The following DNAJC12 variants were observed in gnomAD, a reference collection of about 807,000 sequenced individuals.
DNAJC12 encodes the protein dnaJ homolog subfamily C member 12.
In DNAJC12, 25 loss-of-function variants were observed where a neutral mutation model predicts 28.5. That is an observed-to-expected ratio of 0.88 (90% CI 0.64 to 1.22). The LOEUF (loss-of-function observed/expected upper bound fraction) is 1.22. DNAJC12 is among the 50% of genes most tolerant of loss of function. The pLI, the probability that DNAJC12 is intolerant of heterozygous loss-of-function variation, is 0.00. For synonymous variants in DNAJC12, 77 were observed against 80.6 expected (o/e 0.95, Z 0.24); for missense variants, 222 against 231.7 (o/e 0.96, Z 0.27).
intron 3 of DNAJC12, among the ~76,000 whole-genome samples, chr10:67,808,772 C>A (rs942614638): frequency 6.6e-6 from 1 of 152,168 alleles, no homozygotes; most frequent in African/African-American, 2.4e-5. Context: ...TCAGTGATCA[C>A]CATGAGTGGA....
chr10:67,835,542 T>C (rs941922059), intron 1 of DNAJC12, among the ~76,000 whole-genome samples: 1 of 151,808 alleles, frequency 6.6e-6, no homozygotes. Context: ...ATACAAAAAT[T>C]AGCTAGGCAT....
intron 4 of DNAJC12, among the ~76,000 whole-genome samples, chr10:67,802,044 G>C (rs1472856956): frequency 1.3e-5 from 2 of 151,230 alleles, no homozygotes; most frequent in African/African-American, 4.9e-5. Flanking sequence ...TTTTAATTTT[G>C]TGGAGACAGG....
intron 1 of DNAJC12, among the ~76,000 whole-genome samples, chr10:67,836,240 C>T (rs1842141620): frequency 6.6e-6 from 1 of 151,864 alleles, no homozygotes; most frequent in Non-Finnish European, 1.5e-5. Flanking sequence ...GGACAAATAC[C>T]TAATGTATGC....
chr10:67,811,133 G>T, intron 3 of DNAJC12: 2 of 264,466 alleles, frequency 7.6e-6, no homozygotes, highest in Non-Finnish European at 1.2e-5. Context: ...AAAATTCTAA[G>T]CCTTGAAAAG....
At chr10:67,815,508 C>CAAAAAAAAAAAAAAA (rs762037586) in intron 2 of DNAJC12, among the ~76,000 whole-genome samples, 9 of 65,742 alleles carry the variant, frequency 1.4e-4, no homozygotes, top group Non-Finnish European at 2.8e-4. Flanking sequence ...TACTTCGTCT[C>CAAAAAAAAAAAAAAA]AAAAAAAAAA....
rs186789934 is a variant in DNAJC12, at chr10:67,826,671, T to C, written c.79-3279A>G. On this transcript the variant is annotated intron_variant, in intron 1 of 4. Coordinates refer to ENST00000225171, the MANE Select transcript of DNAJC12 (RefSeq NM_021800.3). ...CTAATGATATATATTATATATATCA[T>C]TATATATAAGATATCTAATGATATA... 1.4e-4 allele frequency among the ~76,000 whole-genome samples: 17 copies of C among 120,906 alleles called. No homozygotes were observed. The South Asian group carries it at 1.7e-3, about 12-fold the overall frequency. The allele number at this position is 120,906 out of a possible 152,430, so 79.3% of individuals were successfully genotyped here.
chr10:67,811,662 C>T lies in DNAJC12; in HGVS notation c.159G>A (p.Val53=). The T allele has an allele frequency of 6.2e-7, 1 of 1,610,052 alleles. No individual in the cohort carries two copies. The highest frequency in any genetic ancestry group is 8.5e-7 in the Non-Finnish European group (1 of 1,178,216). ...CCTTCTGCAGTTTCTGAAAAGTCTC[C>T]ACTGGAAAACAAATCAAGAAATGAG... ...PDKHPENPKA[V]ETFQKLQKAK... is the part of the protein sequence containing the mutation. The change falls in exon 3 of 5, where the codon GTG becomes GTA. Residue 53 remains valine, a splice_region_variant and synonymous_variant. Coordinates refer to ENST00000225171, the MANE Select transcript of DNAJC12 (RefSeq NM_021800.3).
Position 67,819,640 on chromosome 10 carries a change from A to AAAAG in DNAJC12, c.157+3670_157+3673dup, listed in dbSNP as rs201466779. 1.5e-4 allele frequency among the ~76,000 whole-genome samples: 21 copies of AAAAG among 138,968 alleles called. 2 individuals carry two copies. The highest frequency in any genetic ancestry group is 5.3e-4 in the African/African-American group (18 of 34,146). The allele number at this position is 138,968 out of a possible 152,430, so 91.2% of individuals were successfully genotyped here. ...GGCAACAAAGTGAGACTGTCACAAAAAAAGAAAGAAAGAAAGAAAGAGAAA... is the reference window on the plus strand; with the variant it reads ...GGCAACAAAGTGAGACTGTCACAAAAAAAGAAAGAAAGAAAGAAAGAAAGAGAAA... On this transcript the variant is annotated intron_variant, in intron 2 of 4. Transcript: ENST00000225171.
intron 1 of DNAJC12, among the ~76,000 whole-genome samples, chr10:67,829,324 C>T (rs573060440): frequency 2.5e-4 from 38 of 152,206 alleles, no homozygotes; most frequent in African/African-American, 8.9e-4. Context: ...CTCAGCCAGC[C>T]GCCCCTCTCA....
chr10:67,818,082 G>A (rs768458062), intron 2 of DNAJC12, among the ~76,000 whole-genome samples: 41 of 150,224 alleles, frequency 2.7e-4, no homozygotes, highest in Admixed American at 1.3e-3. Flanking sequence ...GCGCACATGT[G>A]TGGTCCCAGC....
chr10:67,800,507 G>A (rs1841731778), intron 4 of DNAJC12, among the ~76,000 whole-genome samples: 1 of 152,194 alleles, frequency 6.6e-6, no homozygotes. Context: ...CTTACTGCCT[G>A]CTGATTTGCT....
At chr10:67,832,313 C>T (rs577421405) in intron 1 of DNAJC12, among the ~76,000 whole-genome samples, 6 of 149,950 alleles carry the variant, frequency 4.0e-5, no homozygotes, top group Admixed American at 4.0e-4. Flanking sequence ...CATTTTAATA[C>T]TGATTTAATT....
At chr10:67,835,573 C>T (rs1842134541) in intron 1 of DNAJC12, among the ~76,000 whole-genome samples, 1 of 151,938 alleles carries the variant, frequency 6.6e-6, no homozygotes, top group Non-Finnish European at 1.5e-5. Flanking sequence ...GCCTGTAGTC[C>T]CAGCTACTCA....
At chr10:67,799,818 G>C (rs1245853878) in intron 4 of DNAJC12, among the ~76,000 whole-genome samples, 2 of 150,848 alleles carry the variant, frequency 1.3e-5, no homozygotes, top group Non-Finnish European at 2.9e-5. Flanking sequence ...AGGAGGCGGA[G>C]GTTGCAGTGA....
chr10:67,799,622 C>T (rs529818423), intron 4 of DNAJC12, among the ~76,000 whole-genome samples: 87 of 152,298 alleles, frequency 5.7e-4, no homozygotes, highest in Admixed American at 2.9e-3. Flanking sequence ...CGGTGGCTCA[C>T]GCCTGTGATC....
intron 3 of DNAJC12, among the ~76,000 whole-genome samples, 171 bp from the exon 4 acceptor site, chr10:67,805,958 C>A (rs937417993): frequency 2.0e-5 from 3 of 152,132 alleles, no homozygotes; most frequent in African/African-American, 7.2e-5. Flanking sequence ...ATTAATTAAT[C>A]CAACTATTAA....
chr10:67,826,598 TAA>T (rs1033117112), intron 1 of DNAJC12, among the ~76,000 whole-genome samples: 30 of 136,444 alleles, frequency 2.2e-4, no homozygotes, highest in Admixed American at 2.4e-4. Context: ...ATGATATATA[TAA>T]GATATCTAAT....
At chr10:67,824,794 C>T (rs1369720684) in intron 1 of DNAJC12, among the ~76,000 whole-genome samples, 1 of 151,904 alleles carries the variant, frequency 6.6e-6, no homozygotes, top group Non-Finnish European at 1.5e-5. Flanking sequence ...AGTGCAGTGG[C>T]GTGATCTCCG....
chr10:67,826,658 AT>A (rs1253010557), intron 1 of DNAJC12, among the ~76,000 whole-genome samples: 26 of 130,870 alleles, frequency 2.0e-4, no homozygotes, highest in South Asian at 1.6e-3. Flanking sequence ...AATGATATAT[AT>A]TATATATATC....
Sources: gnomAD v4.1 joint callset for allele counts (sites outside exome capture counted in the v4.1 genomes callset) on GRCh38, gnomAD v4.1.1 for gene constraint, MANE v1.5 for transcripts, NCBI Gene and HGNC (gene_info 2026-07-23, HGNC 2026-07-21) for gene names.